RBMS1: variants seen among roughly 807,000 people sequenced by gnomAD.
RBMS1 encodes RNA binding motif single stranded interacting protein 1.
In RBMS1, 17 loss-of-function variants were observed where a neutral mutation model predicts 62.3. The observed-to-expected ratio is 0.27, with a 90% CI of 0.19 to 0.41. The LOEUF (loss-of-function observed/expected upper bound fraction) is 0.41. RBMS1 is among the 10% of genes least tolerant of loss of function. The probability of loss-of-function intolerance (pLI) is 1.00; values close to 1 mark genes in which losing one functional copy is unlikely to be tolerated. For synonymous variants in RBMS1, 172 were observed against 170.0 expected (o/e 1.01, Z -0.09); for missense variants, 334 against 504.5 (o/e 0.66, Z 3.24).
At position 160,350,458 on chromosome 2, in the gene RBMS1, T is replaced by C. The variant is rs527742855; in HGVS notation, c.251+16758A>G. Among the ~76,000 whole-genome samples the C allele has an allele frequency of 3.9e-5, 6 of 152,104 alleles. No homozygotes were observed. In the South Asian group the frequency reaches 1.2e-3, roughly 32 times the overall value. ...AATGAGGTACAAATGAACAGCCCTG[T>C]AAAGAAATAAAAGCAATCCAGAAAG... On this transcript the variant is annotated intron_variant, in intron 2 of 13. Transcript: ENST00000348849.
intron 1 of RBMS1, among the ~76,000 whole-genome samples, chr2:160,478,865 T>G (rs1685246436): frequency 6.6e-6 from 1 of 152,232 alleles, no homozygotes; most frequent in African/African-American, 2.4e-5. Context: ...ACAGAGCTCC[T>G]GAAGCCTAAT....
Position 160,287,020 on chromosome 2 carries a change from G to A in RBMS1, c.705C>T (p.Asn235=), listed in dbSNP as rs1688435663. The change falls in exon 7 of 14, where the codon AAC becomes AAT. Residue 235 remains asparagine (N), a synonymous_variant. Coordinates refer to ENST00000348849, the MANE Select transcript of RBMS1 (RefSeq NM_016836.4). ...ATGGTCTTCCATTAGGGATGTATTT[G>A]TTTGGGTTCTGTCTCTTTTTCTGTC... ...DGGQKKRQNP[N]KYIPNGRPWH... 1.2e-6 allele frequency: 2 copies of A among 1,606,046 alleles called. No homozygotes were observed. Among genetic ancestry groups the A allele is most frequent in the Non-Finnish European group, 1.7e-6 (2 of 1,177,452 alleles).
At chr2:160,408,729 C>T (rs1421496376) in intron 1 of RBMS1, 1 of 152,290 alleles carries the variant, frequency 6.6e-6, no homozygotes, top group East Asian at 1.9e-4. Context: ...CCTACGGCTG[C>T]TCAAGCCGTC....
intron 1 of RBMS1, among the ~76,000 whole-genome samples, chr2:160,473,976 G>A (rs1685028424): frequency 6.6e-6 from 1 of 152,170 alleles, no homozygotes; most frequent in Non-Finnish European, 1.5e-5. Flanking sequence ...TCATGTTGTA[G>A]AGGAAAGCTA....
intron 5 of RBMS1, among the ~76,000 whole-genome samples, chr2:160,302,218 T>TA (rs1368460282): frequency 3.3e-5 from 5 of 151,196 alleles, no homozygotes; most frequent in African/African-American, 9.7e-5. Flanking sequence ...TTTTTTTTTT[T>TA]AAAGACAGAT....
chr2:160,447,854 C>T (rs923930306), intron 1 of RBMS1, among the ~76,000 whole-genome samples: 2 of 152,158 alleles, frequency 1.3e-5, no homozygotes, highest in Non-Finnish European at 2.9e-5. Context: ...TGGATGATGC[C>T]CTTGATAACC....
chr2:160,366,959 A>C, intron 2 of RBMS1: 1 of 281,010 alleles, frequency 3.6e-6, no homozygotes, highest in Non-Finnish European at 6.5e-6. Context: ...TTCATATTTT[A>C]CTTCTCATAT....
chr2:160,439,752 C>T (rs1446611970), intron 1 of RBMS1, among the ~76,000 whole-genome samples: 4 of 152,228 alleles, frequency 2.6e-5, no homozygotes, highest in Non-Finnish European at 5.9e-5. Flanking sequence ...CACTGCACTC[C>T]AGCCTGGGCA....
At chr2:160,441,273 A>G (rs1683398969) in intron 1 of RBMS1, among the ~76,000 whole-genome samples, 1 of 152,210 alleles carries the variant, frequency 6.6e-6, no homozygotes, top group Non-Finnish European at 1.5e-5. Context: ...CTGTTAATGG[A>G]CATTTGGATT....
intron 2 of RBMS1, among the ~76,000 whole-genome samples, chr2:160,344,426 C>G (rs1178114353): frequency 1.3e-5 from 2 of 152,152 alleles, no homozygotes; most frequent in Non-Finnish European, 2.9e-5. Flanking sequence ...CATTCCCTAT[C>G]TATGATGTTT....
chr2:160,330,040 C>G (rs1368132932), intron 2 of RBMS1, among the ~76,000 whole-genome samples: 2 of 152,016 alleles, frequency 1.3e-5, no homozygotes, highest in Non-Finnish European at 2.9e-5. Context: ...GTCATGACAC[C>G]TTAATTTTAG....
chr2:160,304,536 CAT>C (rs1201659378), intron 4 of RBMS1, among the ~76,000 whole-genome samples: 1 of 152,124 alleles, frequency 6.6e-6, no homozygotes, highest in Non-Finnish European at 1.5e-5. Flanking sequence ...TGGCGGATGG[CAT>C]ATACGATGGT....
At chr2:160,383,411 T>TGGAAATA (rs1169913720) in intron 1 of RBMS1, among the ~76,000 whole-genome samples, 2 of 137,102 alleles carry the variant, frequency 1.5e-5, no homozygotes, top group Admixed American at 1.5e-4. Flanking sequence ...CCACCCTATT[T>TGGAAATA]CCAAATAAGG....
chr2:160,433,329 C>T (rs530947725), intron 1 of RBMS1, among the ~76,000 whole-genome samples: 34 of 152,286 alleles, frequency 2.2e-4, no homozygotes, highest in Admixed American at 6.5e-4. Context: ...GTAGGAGGAT[C>T]GCTTGAGCCT....
chr2:160,293,660 T>G (rs1301407927), intron 6 of RBMS1, among the ~76,000 whole-genome samples: 2 of 152,132 alleles, frequency 1.3e-5, no homozygotes, highest in Non-Finnish European at 2.9e-5. Context: ...CAGTTAGCCT[T>G]TGTCTTTGAG....
chr2:160,337,138 T>C (rs1691621516), intron 2 of RBMS1, among the ~76,000 whole-genome samples: 1 of 149,180 alleles, frequency 6.7e-6, no homozygotes, highest in South Asian at 2.1e-4. Context: ...TTCTTTTCTT[T>C]TTTTTTTTTT....
intron 1 of RBMS1, among the ~76,000 whole-genome samples, chr2:160,444,725 GGTCAAAA>G (rs766059377): frequency 2.5e-4 from 38 of 152,286 alleles, no homozygotes; most frequent in Non-Finnish European, 4.7e-4. Flanking sequence ...AGTTAAATGA[GGTCAAAA>G]GGCTGGGGCC....
At chr2:160,383,350 T>C (rs1262798009) in intron 1 of RBMS1, among the ~76,000 whole-genome samples, 1 of 151,370 alleles carries the variant, frequency 6.6e-6, no homozygotes, top group Non-Finnish European at 1.5e-5. Flanking sequence ...CAATGGTCAC[T>C]GGTCATCTCA....
chr2:160,443,235 C>A lies in RBMS1; in HGVS notation c.75+50054G>T, dbSNP rs1006647914. 2.3e-4 allele frequency among the ~76,000 whole-genome samples: 33 copies of A among 145,998 alleles called. No homozygotes were observed. The South Asian group carries it at 7.1e-3, about 31-fold the overall frequency. ...ACAAAAAAAAAAACAAAAAAAAAAA[C>A]CTTGACTTACACAGAAAGAGAGCAC... On this transcript the variant is annotated intron_variant, in intron 1 of 13. Coordinates refer to ENST00000348849, the MANE Select transcript of RBMS1 (RefSeq NM_016836.4).
Sources: allele counts gnomAD v4.1 joint callset (sites outside exome capture counted in the v4.1 genomes callset), GRCh38; gene constraint gnomAD v4.1.1; transcripts MANE v1.5; gene names NCBI Gene and HGNC (gene_info 2026-07-23, HGNC 2026-07-21).